The following KIZ variants were observed in gnomAD, a reference collection of about 807,000 sequenced individuals.
The protein encoded by KIZ is kizuna centrosomal protein, also known as centrosomal protein kizuna.
KIZ carries 68 observed loss-of-function variants against 79.6 expected under a neutral mutation model. That is an observed-to-expected ratio of 0.85 (90% CI 0.70 to 1.05). The LOEUF is 1.05. Ranked by LOEUF, KIZ falls within the 50% of genes least tolerant of loss-of-function variation. The pLI is 0.00. For missense variants in KIZ, 797 were observed against 800.4 expected (o/e 1.00, Z 0.05); for synonymous variants, 280 against 281.8 (o/e 0.99, Z 0.06).
intron 3 of KIZ, among the ~76,000 whole-genome samples, chr20:21,139,559 T>A (rs2032399776): frequency 6.6e-6 from 1 of 152,156 alleles, no homozygotes; most frequent in South Asian, 2.1e-4. Context: ...GTCTTCCCAA[T>A]AAAATAAAGG....
intron 4 of KIZ, chr20:21,154,343 A>G (rs1201385808): frequency 6.6e-6 from 1 of 152,206 alleles, no homozygotes; most frequent in African/African-American, 2.4e-5. Flanking sequence ...TTACAGTTCT[A>G]AACTTGTTGA....
intron 11 of KIZ, among the ~76,000 whole-genome samples, chr20:21,238,938 T>C (rs1422985662): frequency 1.3e-5 from 2 of 152,218 alleles, no homozygotes; most frequent in Non-Finnish European, 2.9e-5. Context: ...TCCCTCCATC[T>C]GTCCCCAAAC....
intron 4 of KIZ, 26 bp from the exon 5 acceptor site, chr20:21,161,845 A>G: frequency 6.4e-7 from 1 of 1,559,334 alleles, no homozygotes; most frequent in Non-Finnish European, 8.8e-7. Flanking sequence ...CAGTATGTTT[A>G]ACTCACATCT....
chr20:21,192,759 G>A (rs2035169617), intron 6 of KIZ, among the ~76,000 whole-genome samples: 1 of 152,138 alleles, frequency 6.6e-6, no homozygotes, highest in African/African-American at 2.4e-5. Flanking sequence ...GGGGAGGGGA[G>A]ATGGGGAAAG....
intron 4 of KIZ, among the ~76,000 whole-genome samples, chr20:21,152,902 T>C (rs1185951077): frequency 6.6e-6 from 1 of 152,228 alleles, no homozygotes. Context: ...TTTGAGTTAT[T>C]TGAAGTTAGA....
intron 10 of KIZ, among the ~76,000 whole-genome samples, chr20:21,230,713 G>A (rs1409570190): frequency 1.3e-5 from 2 of 152,178 alleles, no homozygotes; most frequent in Non-Finnish European, 2.9e-5. Context: ...TGTTAGTGGT[G>A]ATTTGAACTC....
At chr20:21,238,218 GTT>G (rs753582048) in intron 11 of KIZ, among the ~76,000 whole-genome samples, 1 of 138,648 alleles carries the variant, frequency 7.2e-6, no homozygotes, top group Admixed American at 7.3e-5. Flanking sequence ...ACTCTAGTTT[GTT>G]TTTTTTTTTT....
chr20:21,136,899 A>G (rs2122380097), intron 3 of KIZ, among the ~76,000 whole-genome samples: 1 of 152,302 alleles, frequency 6.6e-6, no homozygotes, highest in South Asian at 2.1e-4. Flanking sequence ...TTTTCTGTGA[A>G]TTACCATGTG....
intron 6 of KIZ, among the ~76,000 whole-genome samples, chr20:21,167,744 A>G (rs2034012974): frequency 6.6e-6 from 1 of 151,900 alleles, no homozygotes; most frequent in Non-Finnish European, 1.5e-5. Flanking sequence ...TATTTTTAAT[A>G]GAGATGGGGT....
intron 2 of KIZ, among the ~76,000 whole-genome samples, chr20:21,132,677 T>A (rs926802248): frequency 2.6e-5 from 4 of 152,244 alleles, no homozygotes; most frequent in Non-Finnish European, 4.4e-5. Flanking sequence ...TTGGTTAAAA[T>A]CGGTATGAGA....
intron 11 of KIZ, among the ~76,000 whole-genome samples, chr20:21,237,404 G>T (rs1430869268): frequency 6.6e-6 from 1 of 151,122 alleles, no homozygotes; most frequent in African/African-American, 2.4e-5. Flanking sequence ...TCCACCCCCT[G>T]CTCCCGCCCT....
chr20:21,232,194 A>G (rs1012232394), intron 10 of KIZ, among the ~76,000 whole-genome samples: 1 of 152,198 alleles, frequency 6.6e-6, no homozygotes, highest in Non-Finnish European at 1.5e-5. Context: ...TCTGGCTCCA[A>G]AGAAAGAGGT....
chr20:21,223,251 C>G (rs966523893), intron 9 of KIZ, among the ~76,000 whole-genome samples: 1 of 152,150 alleles, frequency 6.6e-6, no homozygotes, highest in Non-Finnish European at 1.5e-5. Flanking sequence ...AATGGCAAGA[C>G]GCAAAAGTGT....
chr20:21,169,769 G>C (rs1040684279), intron 6 of KIZ, among the ~76,000 whole-genome samples: 1 of 152,140 alleles, frequency 6.6e-6, no homozygotes, highest in African/African-American at 2.4e-5. Context: ...TGCAAGTACT[G>C]ATCTTTTTAG....
At chr20:21,210,047 A>G (rs991667564) in intron 7 of KIZ, among the ~76,000 whole-genome samples, 16 of 152,090 alleles carry the variant, frequency 1.1e-4, no homozygotes, top group African/African-American at 3.9e-4. Flanking sequence ...GTTTTTTTAA[A>G]TATTTAATAT....
intron 9 of KIZ, among the ~76,000 whole-genome samples, chr20:21,222,654 C>G (rs2036535659): frequency 6.6e-6 from 1 of 152,198 alleles, no homozygotes; most frequent in South Asian, 2.1e-4. Context: ...CAGGCGTCAG[C>G]AGGGCCCTTG....
At chr20:21,223,269 C>T (rs1032034196) in intron 9 of KIZ, among the ~76,000 whole-genome samples, 22 of 152,276 alleles carry the variant, frequency 1.4e-4, no homozygotes, top group Admixed American at 3.3e-4. Context: ...TGTTTCAGCT[C>T]GTTTTGGGAA....
chr20:21,167,323 T>C (rs2033987460), intron 6 of KIZ, among the ~76,000 whole-genome samples: 1 of 152,174 alleles, frequency 6.6e-6, no homozygotes, highest in Non-Finnish European at 1.5e-5. Context: ...ATTGGACATG[T>C]TCAGGGTTCC....
chr20:21,156,767 T>C (rs1222639330), intron 4 of KIZ, among the ~76,000 whole-genome samples: 1 of 152,120 alleles, frequency 6.6e-6, no homozygotes, highest in Non-Finnish European at 1.5e-5. Context: ...AGGCAGGGTG[T>C]CCCAACTTAC....
Sources: gnomAD v4.1 joint callset for allele counts (sites outside exome capture counted in the v4.1 genomes callset) on GRCh38, gnomAD v4.1.1 for gene constraint, MANE v1.5 for transcripts, NCBI Gene and HGNC (gene_info 2026-07-23, HGNC 2026-07-21) for gene names.